Variants in DST observed in about 807,000 individuals in gnomAD.
The protein encoded by DST is dystonin.
DST carries 253 observed loss-of-function variants against 875.2 expected under a neutral mutation model. The observed-to-expected ratio is 0.29, with a 90% CI of 0.26 to 0.32. The LOEUF (loss-of-function observed/expected upper bound fraction) is 0.32, where lower values mean the gene tolerates loss of function less well. Ranked by LOEUF, DST falls within the 10% of genes least tolerant of loss-of-function variation. The pLI is 1.00. For synonymous variants in DST, 3,124 were observed against 3,197.1 expected, an observed-to-expected ratio of 0.98 and a Z score of 0.77; for missense variants, 8,287 against 9,111.6, an observed-to-expected ratio of 0.91 and a Z score of 3.68.
Position 56,552,913 on chromosome 6 carries a change from C to G in DST, c.15879G>C (p.Lys5293Asn). 1 of 1,614,010 alleles carries G rather than the reference C, an allele frequency of 6.2e-7. No individual in the cohort carries two copies. Among genetic ancestry groups the G allele is most frequent in the South Asian group, 1.1e-5 (1 of 91,090 alleles). Residue 5293 changes from lysine (K) to asparagine (N), a missense_variant, in exon 61 of 104, where the codon AAG becomes AAC. Around this residue, in one of 10 missense-constraint regions of DST, gnomAD observed 1,513 missense variants for 1,677.8 expected, o/e 0.90. Transcript: ENST00000680361. The part of the protein sequence containing the change: ...KESKRQLQCA[K>N]EQLDIHDSLG... ...GCGAATCATGGATATCTAGCTGCTC[C>G]TTTGCACACTGAAGCTGCCTTTTAG...
At chr6:56,631,839 A>T in intron 29 of DST, 44 bp downstream of exon 29, 1 of 1,584,142 alleles carries the variant, frequency 6.3e-7, no homozygotes, top group Non-Finnish European at 8.7e-7. Context: ...ACATAAGGTC[A>T]TTAAGAGAGT....
chr6:56,776,937 G>A (rs907005300), intron 4 of DST, among the ~76,000 whole-genome samples: 4 of 152,144 alleles, frequency 2.6e-5, no homozygotes, highest in African/African-American at 7.2e-5. Context: ...CAGTTTTGAG[G>A]AGACAGGCAT....
At chr6:56,490,075 T>C (rs1271756471) in intron 85 of DST, among the ~76,000 whole-genome samples, 1 of 152,168 alleles carries the variant, frequency 6.6e-6, no homozygotes, top group Non-Finnish European at 1.5e-5. Flanking sequence ...ATAAAGCTTG[T>C]AAATTGATTT....
chr6:56,646,217 C>T, intron 13 of DST, 35 bp from the exon 14 acceptor site: 1 of 1,199,728 alleles, frequency 8.3e-7, no homozygotes, highest in Non-Finnish European at 1.2e-6. Context: ...AAGGACCAAA[C>T]TTAAAAGATC....
chr6:56,593,629 T>A, intron 48 of DST, 34 bp downstream of exon 48: 1 of 1,449,116 alleles, frequency 6.9e-7, no homozygotes, highest in Non-Finnish European at 9.1e-7. Flanking sequence ...AATTGCAGAT[T>A]GACTTTTCCC....
intron 58 of DST, among the ~76,000 whole-genome samples, chr6:56,559,174 A>C (rs1471821447): frequency 6.6e-6 from 1 of 152,174 alleles, no homozygotes; most frequent in African/African-American, 2.4e-5. Context: ...ATCTGGCAAC[A>C]AAATAATGCC....
At chr6:56,482,250 G>T in intron 89 of DST, 72 bp from the exon 90 acceptor site, 2 of 1,486,352 alleles carry the variant, frequency 1.3e-6, no homozygotes, top group African/African-American at 1.4e-5. Context: ...TTACAAAACT[G>T]TATAGTGGAT....
chr6:56,772,448 C>A (rs1282176819), intron 4 of DST, among the ~76,000 whole-genome samples: 1 of 152,148 alleles, frequency 6.6e-6, no homozygotes, highest in Admixed American at 6.5e-5. Context: ...AGCTAACTCT[C>A]TTCGATCTGC....
intron 4 of DST, among the ~76,000 whole-genome samples, chr6:56,827,340 C>G (rs1389569841): frequency 6.6e-6 from 1 of 151,694 alleles, no homozygotes; most frequent in East Asian, 1.9e-4. Flanking sequence ...ATGGTGAAAC[C>G]CCGTCTCTAC....
Position 56,458,881 on chromosome 6 carries a change from G to C in DST, c.*124C>G. On this transcript the variant is annotated 3_prime_UTR_variant, in exon 104 of 104. Coordinates refer to ENST00000680361, the MANE Select transcript of DST (RefSeq NM_001374736.1). ...AATAAAAAGACAAATACACAAATAAGGCCATCTGCAGAATTTTAAACTCGC... is the reference window on the plus strand; with the variant it reads ...AATAAAAAGACAAATACACAAATAACGCCATCTGCAGAATTTTAAACTCGC... 4.9e-6 allele frequency: 5 copies of C among 1,021,784 alleles called. No individual in the cohort carries two copies. The South Asian group carries it at 1.2e-4, about 24-fold the overall frequency. 63.3% of individuals were successfully genotyped at this position (1,021,784 alleles called of 1,614,324 possible).
At chr6:56,507,701 G>T (rs2096365976) in intron 75 of DST, among the ~76,000 whole-genome samples, 2 of 152,186 alleles carry the variant, frequency 1.3e-5, no homozygotes, top group African/African-American at 4.8e-5. Context: ...CTAATCAGTA[G>T]CAGGGAGGGA....
rs542672335 is a variant in DST, at chr6:56,606,993, A to G, written c.7635T>C (p.Pro2545=). 1.3e-4 allele frequency: 207 copies of G among 1,613,512 alleles called. 1 individual carries two copies. Among genetic ancestry groups the G allele is most frequent in the Non-Finnish European group, 1.7e-4 (205 of 1,179,620 alleles). ...TTTCAGACTCATCTTCCTTGTCTTC[A>G]GGCATCTGCTGAAAACCTGGATGTG... ...EKTHPGFQQM[P]EDKEDESEIE... Residue 2545 remains proline, a synonymous_variant, in exon 40 of 104, where the codon CCT becomes CCC. Transcript: ENST00000680361.
At chr6:56,860,172 G>A (rs1332241491) in intron 3 of DST, among the ~76,000 whole-genome samples, 1 of 152,162 alleles carries the variant, frequency 6.6e-6, no homozygotes, top group Non-Finnish European at 1.5e-5. Context: ...TTTCCAGTCT[G>A]ACACAGTCCT....
rs1267740349 is a variant in DST, at chr6:56,618,116, G to C, written c.4930-3632C>G. 5 of 1,614,034 alleles carry C rather than the reference G, an allele frequency of 3.1e-6. No homozygotes were observed. Among genetic ancestry groups the C allele is most frequent in the Non-Finnish European group, 4.2e-6 (5 of 1,180,030 alleles). On this transcript the variant is annotated intron_variant, in intron 36 of 103. Coordinates refer to ENST00000680361, the MANE Select transcript of DST (RefSeq NM_001374736.1). ...TTCAGACAGTCTTGTAATGGGGTTT[G>C]TCTCATCAAAAGTTATCTGTAACTC...
At position 56,482,059 on chromosome 6, in the gene DST, A is replaced by T; in HGVS notation, c.21522T>A (p.Asp7174Glu). 1 of 1,613,716 alleles carries T rather than the reference A, an allele frequency of 6.2e-7. No homozygotes were observed. Among genetic ancestry groups the T allele is most frequent in the Non-Finnish European group, 8.5e-7 (1 of 1,179,788 alleles). ...DDEDALRTLI[D>E]QHKEFMKKLE... ...TTTATATATTACTCACTTTATGCTG[A>T]TCAATGAGAGTCCGGAGAGCATCCT... Residue 7174 changes from aspartate to glutamate, a missense_variant, in exon 90 of 104, where the codon GAT becomes GAA. Physicochemically the swap from Asp to Glu is conservative, Grantham distance 45. Transcript: ENST00000680361.
intron 69 of DST, among the ~76,000 whole-genome samples, chr6:56,519,165 T>C (rs2096649441): frequency 6.6e-6 from 1 of 152,118 alleles, no homozygotes; most frequent in Non-Finnish European, 1.5e-5. Flanking sequence ...GACTAAATAC[T>C]GGAAAAACTA....
At chr6:56,702,404 T>C (rs4262190) in intron 7 of DST, among the ~76,000 whole-genome samples, 39,982 of 149,088 alleles carry the variant, frequency 0.27, 6,647 homozygotes, top group African/African-American at 0.48. Flanking sequence ...CACACACACA[T>C]ATATATATAC....
At chr6:56,580,730 T>TTA (rs1554406937) in intron 49 of DST, among the ~76,000 whole-genome samples, 1 of 146,846 alleles carries the variant, frequency 6.8e-6, no homozygotes. Context: ...TTTTTCTTTT[T>TTA]TTTTTTTTTT....
chr6:56,593,971 C>T lies in DST; in HGVS notation c.12418G>A (p.Asp4140Asn), dbSNP rs1305002253. 3.1e-6 allele frequency: 5 copies of T among 1,613,922 alleles called. No homozygotes were observed. Among genetic ancestry groups the T allele is most frequent in the Non-Finnish European group, 4.2e-6 (5 of 1,179,884 alleles). The change falls in exon 48 of 104, where the codon GAT (aspartate) becomes AAT (asparagine). Residue 4140 changes from aspartate (D) to asparagine (N), a missense_variant. Transcript: ENST00000680361. ...TGCTCAAACTCGGTATAGTCAGCAT[C>T]AAACTTTTCTAATTCTTCCTGCAGA... ...HSLQEELEKF[D>N]ADYTEFEHWL...
Sources: gnomAD v4.1 joint callset for allele counts (sites outside exome capture counted in the v4.1 genomes callset) on GRCh38, gnomAD v4.1.1 for gene constraint, gnomAD v4.1.1 regional missense constraint, MANE v1.5 for transcripts, NCBI Gene and HGNC (gene_info 2026-07-23, HGNC 2026-07-21) for gene names.